Variants in DHRSX observed in about 807,000 individuals in gnomAD.
The protein encoded by DHRSX is dehydrogenase/reductase X-linked.
Under a neutral mutation model 34.0 loss-of-function variants are expected in DHRSX, and 31 were observed. The ratio of observed to expected loss-of-function variants is 0.91; its 90% confidence interval spans 0.69 to 1.23. The LOEUF (loss-of-function observed/expected upper bound fraction) is 1.23, where lower values mean the gene tolerates loss of function less well. Ranked by LOEUF, DHRSX falls within the 50% of genes most tolerant of loss-of-function variation. The pLI is 0.00. For missense variants in DHRSX, 414 were observed against 428.1 expected (o/e 0.97, Z 0.29); for synonymous variants, 201 against 183.8 (o/e 1.09, Z -0.76).
chrX:2,371,549 G>A (rs760953576), intron 3 of DHRSX, among the ~76,000 whole-genome samples: 30 of 62,238 alleles, frequency 4.8e-4, no homozygotes, highest in Admixed American at 9.1e-4. Context: ...CCGTCCTTCT[G>A]TTACCATAGT....
chrX:2,231,585 ATCC>A (rs367735521), intron 6 of DHRSX, among the ~76,000 whole-genome samples: 4,392 of 144,110 alleles, frequency 0.03, 143 homozygotes, highest in African/African-American at 0.078. Flanking sequence ...CCTCCATCGT[ATCC>A]TCCTTTTTCT....
chrX:2,369,332 A>G (rs2043029997), intron 3 of DHRSX, among the ~76,000 whole-genome samples: 1 of 152,194 alleles, frequency 6.6e-6, no homozygotes, highest in Non-Finnish European at 1.5e-5. Context: ...TGGTGGAGAG[A>G]AGAAAAGAAA....
chrX:2,468,614 A>C (rs1461889768), intron 1 of DHRSX, among the ~76,000 whole-genome samples: 2 of 151,440 alleles, frequency 1.3e-5, no homozygotes, highest in East Asian at 1.9e-4. Flanking sequence ...TATGCGGCCA[A>C]GGGACCGCCG....
chrX:2,378,171 C>T (rs1254793409), intron 3 of DHRSX, among the ~76,000 whole-genome samples: 1 of 152,232 alleles, frequency 6.6e-6, no homozygotes, highest in Non-Finnish European at 1.5e-5. Flanking sequence ...GCTTTCTGCT[C>T]CAGGAATGTC....
At chrX:2,348,716 T>C (rs1211212233) in intron 3 of DHRSX, among the ~76,000 whole-genome samples, 1 of 151,766 alleles carries the variant, frequency 6.6e-6, no homozygotes, top group Non-Finnish European at 1.5e-5. Context: ...TATTTTGTTT[T>C]GTTGAGAGAG....
chrX:2,257,287 T>C lies in DHRSX; in HGVS notation c.596+9453A>G, dbSNP rs143000073. Among the ~76,000 whole-genome samples the C allele has an allele frequency of 4.2e-3, 635 of 152,284 alleles. 4 individuals carry two copies. The highest frequency in any genetic ancestry group is 0.015 in the African/African-American group (613 of 41,568). On this transcript the variant is annotated intron_variant, in intron 5 of 6. Transcript: ENST00000334651. ...ATATATTTACTGAACTTCAGTCATA[T>C]GTGACGCAGGGATGACACAAGAACA...
chrX:2,488,430 C>A (rs1391180844), intron 1 of DHRSX: 24 of 623,392 alleles, frequency 3.8e-5, no homozygotes, highest in Non-Finnish European at 5.9e-5. Context: ...CCACCTCGGC[C>A]TCCCAAAGTG....
chrX:2,377,023 T>C (rs1217340105), intron 3 of DHRSX, among the ~76,000 whole-genome samples: 24 of 149,670 alleles, frequency 1.6e-4, no homozygotes, highest in Non-Finnish European at 3.0e-4. Flanking sequence ...AGAGGAACAC[T>C]GTGGCATAGA....
intron 3 of DHRSX, among the ~76,000 whole-genome samples, chrX:2,291,896 A>AATTT (rs1465187561): frequency 1.0e-5 from 1 of 96,146 alleles, no homozygotes; most frequent in African/African-American, 3.9e-5. Context: ...GTATTTTTGT[A>AATTT]TTTTTTTTTT....
intron 1 of DHRSX, among the ~76,000 whole-genome samples, chrX:2,495,933 A>C (rs1366416493): frequency 6.6e-6 from 1 of 152,146 alleles, no homozygotes; most frequent in Non-Finnish European, 1.5e-5. Flanking sequence ...CAGAGGAAGG[A>C]GCCAGCCGCC....
At chrX:2,330,990 C>G (rs903394064) in intron 3 of DHRSX, among the ~76,000 whole-genome samples, 20 of 152,084 alleles carry the variant, frequency 1.3e-4, no homozygotes, top group African/African-American at 4.8e-4. Flanking sequence ...TGTTGAGCGA[C>G]CCGCAAACTT....
chrX:2,252,109 G>T (rs187226123), intron 5 of DHRSX, among the ~76,000 whole-genome samples: 1 of 151,944 alleles, frequency 6.6e-6, no homozygotes, highest in African/African-American at 2.4e-5. Flanking sequence ...GTGGTGGCAG[G>T]TGCCTGTAAT....
intron 3 of DHRSX, among the ~76,000 whole-genome samples, chrX:2,345,243 G>C (rs2042690010): frequency 1.3e-5 from 2 of 152,034 alleles, no homozygotes; most frequent in African/African-American, 4.8e-5. Context: ...GTTCTTCTGG[G>C]TGTTTCTTTG....
chrX:2,383,683 G>A (rs2043239705), intron 3 of DHRSX, among the ~76,000 whole-genome samples: 1 of 152,162 alleles, frequency 6.6e-6, no homozygotes, highest in Non-Finnish European at 1.5e-5. Flanking sequence ...ATGGGGCTGG[G>A]GAAATCAGTG....
chrX:2,283,718 C>T (rs2041762809), intron 4 of DHRSX, among the ~76,000 whole-genome samples: 1 of 152,310 alleles, frequency 6.6e-6, no homozygotes, highest in African/African-American at 2.4e-5. Context: ...TGCCCATTTG[C>T]TCATTTGAAT....
intron 3 of DHRSX, among the ~76,000 whole-genome samples, chrX:2,396,850 C>T (rs1317440): frequency 0.49 from 73,938 of 149,674 alleles, 18,692 homozygotes; most frequent in African/African-American, 0.56. Flanking sequence ...CCACAACCTC[C>T]GCCTCCTGGG....
intron 5 of DHRSX, among the ~76,000 whole-genome samples, chrX:2,250,003 A>G (rs1602798246): frequency 6.6e-6 from 1 of 151,840 alleles, no homozygotes. Flanking sequence ...CTCTATTAAA[A>G]ATACAAAAAG....
In DHRSX at chrX:2,441,016, T is replaced by C. The variant is rs186892910; in HGVS notation, c.110-15712A>G. On this transcript the variant is annotated intron_variant, in intron 1 of 6. Coordinates refer to ENST00000334651, the MANE Select transcript of DHRSX (RefSeq NM_145177.3). ...CTACAGACGACGCAGACGGCACCAGTAGCTACCGCCCAGGATGCATGGACA... is the reference window on the plus strand; with the variant it reads ...CTACAGACGACGCAGACGGCACCAGCAGCTACCGCCCAGGATGCATGGACA... 1.2e-4 allele frequency among the ~76,000 whole-genome samples: 18 copies of C among 152,222 alleles called. No homozygotes were observed. The East Asian group carries it at 3.5e-3, about 29-fold the overall frequency.
At chrX:2,488,924 G>A in intron 1 of DHRSX, 3 of 1,602,186 alleles carry the variant, frequency 1.9e-6, no homozygotes, top group Middle Eastern at 1.7e-4. Context: ...GGGCAGCAGG[G>A]GGAAGAGGGC....
Sources: allele counts gnomAD v4.1 joint callset (sites outside exome capture counted in the v4.1 genomes callset), GRCh38; gene constraint gnomAD v4.1.1; transcripts MANE v1.5; gene names NCBI Gene and HGNC (gene_info 2026-07-23, HGNC 2026-07-21).